Variants in FGD6 observed in about 807,000 individuals in gnomAD.
FGD6 encodes the protein FYVE, RhoGEF and PH domain containing 6.
FGD6 carries 90 observed loss-of-function variants against 149.4 expected under a neutral mutation model. The ratio of observed to expected loss-of-function variants is 0.60; its 90% confidence interval spans 0.51 to 0.72. The LOEUF (loss-of-function observed/expected upper bound fraction) is 0.72. Ranked by LOEUF, FGD6 falls within the 30% of genes least tolerant of loss-of-function variation. The pLI is 0.00. For synonymous variants in FGD6, 527 were observed against 584.0 expected, an observed-to-expected ratio of 0.90 and a Z score of 1.41; for missense variants, 1,437 against 1,684.8, an observed-to-expected ratio of 0.85 and a Z score of 2.57.
chr12:95,146,572 A>G (rs1342678932), intron 5 of FGD6, among the ~76,000 whole-genome samples: 12 of 152,174 alleles, frequency 7.9e-5, no homozygotes, highest in Non-Finnish European at 1.5e-4. Context: ...AGTTAGCTAT[A>G]GAGTTTGTTA....
chr12:95,158,743 T>G (rs1181349175), intron 3 of FGD6, among the ~76,000 whole-genome samples: 1 of 152,130 alleles, frequency 6.6e-6, no homozygotes, highest in African/African-American at 2.4e-5. Flanking sequence ...AGAAATGGGC[T>G]TGGCATGGTG....
In FGD6 at chr12:95,135,650, AG is replaced by A. The variant is rs577287172; in HGVS notation, c.2995-825del. 4.5e-3 allele frequency among the ~76,000 whole-genome samples: 688 copies of A among 152,292 alleles called. 7 individuals are homozygous for A. Among genetic ancestry groups the A allele is most frequent in the African/African-American group, 0.016 (649 of 41,570 alleles). On this transcript the variant is annotated intron_variant, in intron 7 of 20. Coordinates refer to ENST00000343958, the MANE Select transcript of FGD6 (RefSeq NM_018351.4). ...CCCTGCATCCTAAGAACTACAAAAA[AG>A]AGTCACGCTTCTAACATAGCGCAAG... is the stretch of plus-strand genomic sequence containing the variant.
chr12:95,137,204 G>A (rs1008219315), intron 7 of FGD6, among the ~76,000 whole-genome samples: 5 of 152,154 alleles, frequency 3.3e-5, no homozygotes, highest in Non-Finnish European at 5.9e-5. Context: ...ACTTGAACCT[G>A]GGAGGCGGAG....
At chr12:95,169,844 G>C (rs541520857) in intron 3 of FGD6, among the ~76,000 whole-genome samples, 4 of 152,194 alleles carry the variant, frequency 2.6e-5, no homozygotes, top group Non-Finnish European at 5.9e-5. Context: ...TTTGAGGCCA[G>C]GCGTGGTGGC....
chr12:95,125,965 A>G, intron 8 of FGD6: 1 of 1,421,058 alleles, frequency 7.0e-7, no homozygotes, highest in Non-Finnish European at 9.9e-7. Context: ...TACAGTGCCC[A>G]CCAGAAGTAT....
intron 2 of FGD6, among the ~76,000 whole-genome samples, chr12:95,201,743 T>C (rs969384974): frequency 6.6e-6 from 1 of 152,196 alleles, no homozygotes; most frequent in African/African-American, 2.4e-5. Flanking sequence ...AAAGCAATGT[T>C]TGTCTCACTG....
rs985399731 is a variant in FGD6 at position 95,113,307 on chromosome 12, A to G, written c.3133+344T>C. On this transcript the variant is annotated intron_variant, in intron 9 of 20. Transcript: ENST00000343958. Reference sequence around the variant, plus strand: ...GAGTGCAGTGGCGCTATCTCGGCTCACTGCAACCTCCGCCTTCCGGGTTCA... The same window carrying G: ...GAGTGCAGTGGCGCTATCTCGGCTCGCTGCAACCTCCGCCTTCCGGGTTCA... Among the ~76,000 whole-genome samples the G allele has an allele frequency of 3.5e-5, 5 of 142,702 alleles. No homozygotes were observed. In the South Asian group the frequency reaches 1.1e-3, roughly 31 times the overall value. 93.6% of individuals were successfully genotyped at this position (142,702 alleles called of 152,430 possible). A position where few individuals can be genotyped will look rare whatever the true frequency, so the allele number is the denominator to read the frequency against.
chr12:95,205,705 A>G (rs1405238656), intron 2 of FGD6, among the ~76,000 whole-genome samples: 1 of 152,158 alleles, frequency 6.6e-6, no homozygotes, highest in African/African-American at 2.4e-5. Flanking sequence ...CCTCCTCAGG[A>G]AGACTTGAAT....
intron 8 of FGD6, among the ~76,000 whole-genome samples, chr12:95,120,886 G>A (rs1448243467): frequency 2.0e-5 from 3 of 151,998 alleles, no homozygotes; most frequent in South Asian, 4.2e-4. Flanking sequence ...GTTATCATTC[G>A]AAGGACACAA....
At position 95,209,992 on chromosome 12, in the gene FGD6, AC is replaced by A; in HGVS notation, c.1291del (p.Val431Ter). ...DSNLSSDSTT[V>X]DGSSMSLAVD... ...AGCAAGCGACATACTAGAACCATCT[AC>A]AGTTGTGCTGTCAGAACTCAAATTA... is the stretch of plus-strand genomic sequence containing the variant. On this transcript the variant is annotated frameshift_variant, in exon 2 of 21. Transcript: ENST00000343958. LOFTEE classifies it high-confidence loss of function. The A allele has an allele frequency of 6.2e-7, 1 of 1,613,306 alleles. No individual in the cohort carries two copies. Among genetic ancestry groups the A allele is most frequent in the East Asian group, 2.2e-5 (1 of 44,880 alleles).
chr12:95,187,269 T>C (rs1177485587), intron 2 of FGD6, among the ~76,000 whole-genome samples: 2 of 149,802 alleles, frequency 1.3e-5, no homozygotes, highest in Non-Finnish European at 3.0e-5. Flanking sequence ...AGGCGGAGCT[T>C]GCAGTGAGCC....
intron 3 of FGD6, among the ~76,000 whole-genome samples, chr12:95,171,617 G>C (rs555093821): frequency 6.6e-6 from 1 of 152,140 alleles, no homozygotes; most frequent in Non-Finnish European, 1.5e-5. Flanking sequence ...CCGGGTTCAC[G>C]CCATTCTCCC....
chr12:95,160,320 A>G (rs1429350618), intron 3 of FGD6, among the ~76,000 whole-genome samples: 1 of 152,220 alleles, frequency 6.6e-6, no homozygotes, highest in Non-Finnish European at 1.5e-5. Flanking sequence ...TAAAACCACA[A>G]TGATATACTT....
intron 9 of FGD6, among the ~76,000 whole-genome samples, chr12:95,111,539 C>A (rs927973526): frequency 3.9e-5 from 6 of 152,244 alleles, no homozygotes; most frequent in Admixed American, 3.3e-4. Context: ...AGAGGGGCTG[C>A]CGTCGGGAAT....
rs1877630018 is a variant in FGD6 at position 95,080,211 on chromosome 12, C to G, written c.*1309G>C. 1 of 152,144 alleles carries G rather than the reference C, an allele frequency of 6.6e-6. No homozygotes were observed. The highest frequency in any genetic ancestry group is 1.5e-5 in the Non-Finnish European group (1 of 68,032). 9.4% of individuals were successfully genotyped at this position (152,144 alleles called of 1,614,324 possible). ...AGGTGGTCCAACGGCCTCGGCCTCC[C>G]AAAATGCTGAGATTGTAGGTGTGAG... On this transcript the variant is annotated 3_prime_UTR_variant, in exon 21 of 21. Coordinates refer to ENST00000343958, the MANE Select transcript of FGD6 (RefSeq NM_018351.4).
chr12:95,159,887 G>C (rs747740064), intron 3 of FGD6, among the ~76,000 whole-genome samples: 22 of 152,058 alleles, frequency 1.4e-4, no homozygotes, highest in Non-Finnish European at 2.6e-4. Context: ...CACACCTGTA[G>C]TCCCAGCTAC....
At chr12:95,215,413 A>C (rs2056748420) in intron 1 of FGD6, among the ~76,000 whole-genome samples, 1 of 152,220 alleles carries the variant, frequency 6.6e-6, no homozygotes, top group South Asian at 2.1e-4. Context: ...TATTGTTCCC[A>C]AAAAGCACCA....
intron 2 of FGD6, chr12:95,189,653 G>GAAAAAAAAAA (rs10582401): frequency 8.1e-6 from 1 of 124,098 alleles, no homozygotes. Context: ...TGTTTCATAG[G>GAAAAAAAAAA]AAAAAAAAAA....
In FGD6 at chr12:95,210,530, G is replaced by A. The variant is rs2056720646; in HGVS notation, c.754C>T (p.His252Tyr). 1 of 1,614,064 alleles carries A rather than the reference G, an allele frequency of 6.2e-7. No homozygotes were observed. The highest frequency in any genetic ancestry group is 8.5e-7 in the Non-Finnish European group (1 of 1,180,024). Residue 252 changes from histidine to tyrosine, a missense_variant, in exon 2 of 21, where the codon CAT (histidine) becomes TAT (tyrosine). By Grantham distance (83) the His-to-Tyr change is moderately conservative. This residue lies in a region of FGD6 where 1,055 missense variants were observed against 1,146.0 expected (regional missense o/e 0.92). Coordinates refer to ENST00000343958, the MANE Select transcript of FGD6 (RefSeq NM_018351.4). The part of the protein sequence containing the change: ...HLQLPSDECE[H>Y]FETCQDDSEK... ...CTGTCATCCTGGCAAGTTTCAAAAT[G>A]TTCACATTCATCACTAGGAAGCTGT...
Sources: gnomAD v4.1 joint callset for allele counts (sites outside exome capture counted in the v4.1 genomes callset) on GRCh38, gnomAD v4.1.1 for gene constraint, gnomAD v4.1.1 regional missense constraint, MANE v1.5 for transcripts, NCBI Gene and HGNC (gene_info 2026-07-23, HGNC 2026-07-21) for gene names.